Variants in NFASC observed in about 807,000 individuals in gnomAD.
The protein encoded by NFASC is neurofascin, also known as neurofascin homolog.
In NFASC, 43 loss-of-function variants were observed where a neutral mutation model predicts 147.5. The observed-to-expected ratio is 0.29, with a 90% CI of 0.23 to 0.38. The LOEUF (loss-of-function observed/expected upper bound fraction) is 0.38, where lower values mean the gene tolerates loss of function less well. NFASC is among the 10% of genes least tolerant of loss of function. NFASC has a pLI of 1.00. For synonymous variants in NFASC, 622 were observed against 665.5 expected (o/e 0.93, Z 1.01); for missense variants, 1,320 against 1,689.0 (o/e 0.78, Z 3.83).
intron 1 of NFASC, among the ~76,000 whole-genome samples, chr1:204,874,305 G>A (rs1192574348): frequency 6.6e-6 from 1 of 152,206 alleles, no homozygotes; most frequent in Non-Finnish European, 1.5e-5. Flanking sequence ...TGTCGTAGGA[G>A]CCAGTGCAAG....
At chr1:204,952,363 T>G (rs959758027) in intron 5 of NFASC, among the ~76,000 whole-genome samples, 10 of 152,224 alleles carry the variant, frequency 6.6e-5, no homozygotes, top group African/African-American at 2.2e-4. Flanking sequence ...TTTTCTGACT[T>G]TCCGTATAAC....
At chr1:204,871,298 G>C (rs964114696) in intron 1 of NFASC, among the ~76,000 whole-genome samples, 2 of 152,218 alleles carry the variant, frequency 1.3e-5, no homozygotes, top group African/African-American at 4.8e-5. Context: ...GAAGGGGAAA[G>C]AGGTGGTGGT....
chr1:204,834,261 A>G (rs1006711079), intron 1 of NFASC, among the ~76,000 whole-genome samples: 2 of 149,694 alleles, frequency 1.3e-5, no homozygotes, highest in South Asian at 2.1e-4. Context: ...TTCTGGCCCC[A>G]TTGTTAACTT....
chr1:204,976,083 T>C (rs2095396504), intron 15 of NFASC, among the ~76,000 whole-genome samples: 1 of 152,138 alleles, frequency 6.6e-6, no homozygotes, highest in Non-Finnish European at 1.5e-5. Flanking sequence ...GGCCCTGCAG[T>C]TGGACACGGT....
At chr1:204,910,551 A>G (rs990888164) in intron 1 of NFASC, among the ~76,000 whole-genome samples, 1 of 152,032 alleles carries the variant, frequency 6.6e-6, no homozygotes, top group Non-Finnish European at 1.5e-5. Context: ...TCCTGGGCTC[A>G]AGGGATCCTT....
In NFASC at chr1:204,987,315, T is replaced by C; in HGVS notation, c.2471-103T>C. ...TTAGCAGTGTCGAGCATGGGGGTTG[T>C]CCAGAGGTCAATGCCTTCATACTTG... is the stretch of plus-strand genomic sequence containing the variant. On this transcript the variant is annotated intron_variant, in intron 21 of 29. Coordinates refer to ENST00000339876, the MANE Select transcript of NFASC (RefSeq NM_001005388.3). The surrounding 1 kb of genome is among the most constrained non-coding windows in gnomAD (Gnocchi z 4.4). The C allele has an allele frequency of 3.5e-6, 4 of 1,144,898 alleles. No homozygotes were observed. The highest frequency in any genetic ancestry group is 5.1e-5 in the East Asian group (2 of 39,036). The allele number at this position is 1,144,898 out of a possible 1,614,324, so 70.9% of individuals were successfully genotyped here. A position where few individuals can be genotyped will look rare whatever the true frequency, so the allele number is the denominator to read the frequency against.
rs1417608358 is a variant in NFASC at position 205,016,321 on chromosome 1, A to C, written c.3505A>C (p.Lys1169Gln). 2 of 1,612,728 alleles carry C rather than the reference A, an allele frequency of 1.2e-6. No homozygotes were observed. Among genetic ancestry groups the C allele is most frequent in the Non-Finnish European group, 1.7e-6 (2 of 1,178,920 alleles). Residue 1169 changes from lysine (K) to glutamine (Q), a missense_variant, in exon 30 of 30, where the codon AAG becomes CAG. By Grantham distance (53) the Lys-to-Gln change is moderately conservative. Transcript: ENST00000339876. The surrounding 1 kb of genome is among the most constrained non-coding windows in gnomAD (Gnocchi z 5.1). ...CTCTTTGGCCAGTGATGAGGACAAC[A>C]AGCCCCTGCAGGGCAGTCAGACATC... is the stretch of plus-strand genomic sequence containing the variant. Reference protein sequence around the residue: ...GSFDYSDEDNKPLQGSQTSLD... With the variant: ...GSFDYSDEDNQPLQGSQTSLD...
intron 26 of NFASC, among the ~76,000 whole-genome samples, chr1:205,002,214 A>G (rs2794863): frequency 0.37 from 56,349 of 152,098 alleles, 10,512 homozygotes; most frequent in East Asian, 0.57. Flanking sequence ...TTCAGGAGGG[A>G]TGCTAACTGG....
intron 2 of NFASC, among the ~76,000 whole-genome samples, chr1:204,934,411 A>T (rs2149633931): frequency 6.6e-6 from 1 of 152,342 alleles, no homozygotes; most frequent in South Asian, 2.1e-4. Flanking sequence ...TAGAAAATTC[A>T]ACTCTAATTG....
At chr1:204,932,429 A>T (rs1446391211) in intron 2 of NFASC, among the ~76,000 whole-genome samples, 2 of 152,156 alleles carry the variant, frequency 1.3e-5, no homozygotes, top group African/African-American at 4.8e-5. Context: ...GCCAGGGACT[A>T]TGCTGGCCAC....
At chr1:204,885,781 C>A (rs192666926) in intron 1 of NFASC, among the ~76,000 whole-genome samples, 4 of 152,298 alleles carry the variant, frequency 2.6e-5, no homozygotes, top group African/African-American at 9.6e-5. Context: ...TTCTTCACCC[C>A]CTTTGGCATT....
intron 27 of NFASC, among the ~76,000 whole-genome samples, chr1:205,003,792 C>T (rs2096051645): frequency 6.6e-6 from 1 of 152,214 alleles, no homozygotes; most frequent in South Asian, 2.1e-4. Context: ...ATCCTGGTAG[C>T]TTGCATCTTG....
At chr1:205,004,774 A>G (rs2096070418) in intron 27 of NFASC, among the ~76,000 whole-genome samples, 1 of 152,078 alleles carries the variant, frequency 6.6e-6, no homozygotes, top group Admixed American at 6.5e-5. Flanking sequence ...ACAGGCAGTC[A>G]CTTTAGTCTG....
At chr1:204,884,704 C>T (rs143534057) in intron 1 of NFASC, among the ~76,000 whole-genome samples, 4 of 152,186 alleles carry the variant, frequency 2.6e-5, no homozygotes, top group East Asian at 1.9e-4. Flanking sequence ...TAGCTGAGGT[C>T]GTGCATATCA....
chr1:204,939,037 G>GT (rs1553265981), intron 2 of NFASC, among the ~76,000 whole-genome samples: 9,192 of 65,274 alleles, frequency 0.14, 388 homozygotes, highest in South Asian at 0.18. Flanking sequence ...TGTATGGATG[G>GT]ATGTGTGTGT....
rs140077988 is a variant in NFASC, at chr1:205,015,194, G to C, written c.3492-1114G>C. ...AGCTGGTTGTCTTCCCCACGTCCAG[G>C]AAGGACTGGGGGTGGGTGGGGAGCT... On this transcript the variant is annotated intron_variant, in intron 29 of 29. Coordinates refer to ENST00000339876, the MANE Select transcript of NFASC (RefSeq NM_001005388.3). This position sits in a 1 kb window ranked among gnomAD's most constrained non-coding sequence, Gnocchi z 4.0. 6.7e-3 allele frequency among the ~76,000 whole-genome samples: 1,022 copies of C among 152,298 alleles called. 2 individuals carry two copies. Among genetic ancestry groups the C allele is most frequent in the Non-Finnish European group, 0.012 (786 of 68,010 alleles).
intron 25 of NFASC, chr1:205,000,905 C>T (rs1365930723): frequency 7.7e-6 from 4 of 522,176 alleles, no homozygotes; most frequent in East Asian, 3.4e-5. Flanking sequence ...TTCCAGCTCT[C>T]CCTCCGAAGT....
intron 27 of NFASC, among the ~76,000 whole-genome samples, chr1:205,007,735 A>G (rs1197220237): frequency 2.6e-5 from 4 of 152,204 alleles, no homozygotes; most frequent in African/African-American, 9.7e-5. Flanking sequence ...AGCGGCCAGC[A>G]TGGCTGGAGC....
At chr1:204,936,502 C>T (rs946397982) in intron 2 of NFASC, among the ~76,000 whole-genome samples, 13 of 152,132 alleles carry the variant, frequency 8.5e-5, no homozygotes, top group African/African-American at 3.1e-4. Context: ...ATGTCCAGCA[C>T]TAACAGATTC....
Sources: gnomAD v4.1 joint callset for allele counts (sites outside exome capture counted in the v4.1 genomes callset) on GRCh38, gnomAD v4.1.1 for gene constraint, Gnocchi (gnomAD v3.1) non-coding constraint, MANE v1.5 for transcripts, NCBI Gene and HGNC (gene_info 2026-07-23, HGNC 2026-07-21) for gene names.